The following FGD4 variants were observed in gnomAD, a reference collection of about 807,000 sequenced individuals.
The protein encoded by FGD4 is FYVE, RhoGEF and PH domain containing 4, also known as FYVE, RhoGEF and PH domain-containing protein 4.
In FGD4, 42 loss-of-function variants were observed where a neutral mutation model predicts 102.0. That is an observed-to-expected ratio of 0.41 (90% CI 0.32 to 0.53). FGD4 has a LOEUF of 0.53. Ranked by LOEUF, FGD4 falls within the 20% of genes least tolerant of loss-of-function variation. The pLI is 0.21. For missense variants in FGD4, 902 were observed against 1,078.2 expected, an observed-to-expected ratio of 0.84 and a Z score of 2.29; for synonymous variants, 380 against 375.7, an observed-to-expected ratio of 1.01 and a Z score of -0.13.
intron 1 of FGD4, among the ~76,000 whole-genome samples, chr12:32,429,195 C>T (rs948840918): frequency 6.6e-6 from 1 of 152,292 alleles, no homozygotes; most frequent in South Asian, 2.1e-4. Context: ...TGGTGACCTT[C>T]GGATGGGGTT....
chr12:32,634,045 G>A (rs948279048), intron 15 of FGD4, among the ~76,000 whole-genome samples: 2 of 152,128 alleles, frequency 1.3e-5, no homozygotes, highest in African/African-American at 4.8e-5. Flanking sequence ...ATATATCTTT[G>A]TTATTTCTTT....
chr12:32,399,570 A>G lies in FGD4; in HGVS notation c.-224A>G, dbSNP rs2733698. The G allele has an allele frequency of 0.56, 635,021 of 1,125,628 alleles. 181,638 individuals carry two copies. Among genetic ancestry groups the G allele is most frequent in the African/African-American group, 0.73 (43,154 of 59,054 alleles). The allele number at this position is 1,125,628 out of a possible 1,614,324, so 69.7% of individuals were successfully genotyped here. On this transcript the variant is annotated 5_prime_UTR_variant, in exon 1 of 17. Coordinates refer to ENST00000534526, the MANE Select transcript of FGD4 (RefSeq NM_001370298.3). ...GAGTGCGGGAGCTGCAGATACCGAG[A>G]CGCTGCGACTGCCGCAGGAGTCGCC...
intron 10 of FGD4, among the ~76,000 whole-genome samples, chr12:32,616,711 C>G (rs1949470204): frequency 6.6e-6 from 1 of 152,186 alleles, no homozygotes; most frequent in Non-Finnish European, 1.5e-5. Context: ...TATTTAGAAT[C>G]TGCTATCTGC....
chr12:32,460,661 A>G (rs771793706), intron 1 of FGD4, among the ~76,000 whole-genome samples: 2 of 152,226 alleles, frequency 1.3e-5, no homozygotes, highest in Non-Finnish European at 2.9e-5. Flanking sequence ...TTAGAGAAAG[A>G]TGCTGGAAAA....
At chr12:32,518,702 A>G (rs527739590) in intron 1 of FGD4, among the ~76,000 whole-genome samples, 3 of 152,244 alleles carry the variant, frequency 2.0e-5, no homozygotes, top group African/African-American at 7.2e-5. Context: ...TATTTTAGAT[A>G]GTGGAATTCT....
intron 4 of FGD4, 81 bp downstream of exon 4, chr12:32,582,548 C>A (rs1946702188): frequency 3.9e-6 from 6 of 1,557,198 alleles, no homozygotes; most frequent in Non-Finnish European, 5.2e-6. Context: ...TTATTGCACC[C>A]CTGAAATGTA....
At chr12:32,567,852 A>G (rs917912442) in intron 2 of FGD4, among the ~76,000 whole-genome samples, 2 of 151,876 alleles carry the variant, frequency 1.3e-5, no homozygotes, top group African/African-American at 4.8e-5. Context: ...ACGCCCAGAT[A>G]ATTTTTGTAT....
intron 4 of FGD4, among the ~76,000 whole-genome samples, chr12:32,595,731 A>G (rs1056589293): frequency 2.6e-5 from 4 of 152,214 alleles, no homozygotes; most frequent in Admixed American, 2.0e-4. Context: ...GCAACCAACA[A>G]TGCCAGTACT....
At chr12:32,615,455 T>C (rs1320846098) in intron 10 of FGD4, among the ~76,000 whole-genome samples, 1 of 152,214 alleles carries the variant, frequency 6.6e-6, no homozygotes, top group Non-Finnish European at 1.5e-5. Context: ...TGTGAATATC[T>C]TCATAATTTA....
At chr12:32,581,536 T>C (rs1293639079) in intron 3 of FGD4, among the ~76,000 whole-genome samples, 1 of 152,240 alleles carries the variant, frequency 6.6e-6, no homozygotes. Context: ...CACTGTACTA[T>C]TTAAAAATGT....
At chr12:32,498,122 G>T (rs770066798) in intron 1 of FGD4, among the ~76,000 whole-genome samples, 1 of 152,150 alleles carries the variant, frequency 6.6e-6, no homozygotes. Flanking sequence ...GGGAGTTGTC[G>T]TTGGACTTTG....
At chr12:32,554,641 C>T (rs1943951378) in intron 1 of FGD4, among the ~76,000 whole-genome samples, 1 of 151,966 alleles carries the variant, frequency 6.6e-6, no homozygotes, top group Non-Finnish European at 1.5e-5. Context: ...ATAGGTGCTA[C>T]AGAAAAAAAT....
intron 1 of FGD4, among the ~76,000 whole-genome samples, chr12:32,558,217 TA>T (rs1944270904): frequency 6.6e-6 from 1 of 152,234 alleles, no homozygotes. Flanking sequence ...TCACAGGTTG[TA>T]GTACACTAAG....
At chr12:32,549,936 C>G (rs926638931) in intron 1 of FGD4, among the ~76,000 whole-genome samples, 2 of 152,208 alleles carry the variant, frequency 1.3e-5, no homozygotes, top group Non-Finnish European at 2.9e-5. Flanking sequence ...CAGCACGTCT[C>G]CAGCGTTCCT....
chr12:32,413,973 CT>C (rs34824025), intron 1 of FGD4, among the ~76,000 whole-genome samples: 1,945 of 129,202 alleles, frequency 0.015, 33 homozygotes, highest in African/African-American at 0.048. Flanking sequence ...CTTGAGGATA[CT>C]TTTTTTTTTT....
At chr12:32,639,430 C>T (rs1028693789) in intron 16 of FGD4, among the ~76,000 whole-genome samples, 3 of 152,198 alleles carry the variant, frequency 2.0e-5, no homozygotes, top group Non-Finnish European at 2.9e-5. Flanking sequence ...TCCCAAAGTG[C>T]TGGTAATACA....
intron 1 of FGD4, among the ~76,000 whole-genome samples, chr12:32,422,287 G>GTTTT: frequency 1.1e-5 from 1 of 91,678 alleles, no homozygotes. Flanking sequence ...ATTGGGAGCT[G>GTTTT]CTTTTTTTTT....
intron 1 of FGD4, among the ~76,000 whole-genome samples, chr12:32,404,976 C>G (rs1787957750): frequency 6.6e-6 from 1 of 152,000 alleles, no homozygotes; most frequent in Admixed American, 6.6e-5. Context: ...CTCTGTTGCC[C>G]AGGCTGGAGA....
chr12:32,495,419 G>A lies in FGD4; in HGVS notation c.167-68718G>A, dbSNP rs556294884. Among the ~76,000 whole-genome samples, 3 of 152,260 alleles carry A rather than the reference G, an allele frequency of 2.0e-5. No homozygotes were observed. The South Asian group carries it at 6.2e-4, about 32-fold the overall frequency. ...GCAGGGCAGATTGCTTTTCAGGGCT[G>A]GGCACGGTGGCTCACGCCTGTAATC... is the stretch of plus-strand genomic sequence containing the variant. On this transcript the variant is annotated intron_variant, in intron 1 of 16. Transcript: ENST00000534526.
Sources: gnomAD v4.1 joint callset for allele counts (sites outside exome capture counted in the v4.1 genomes callset) on GRCh38, gnomAD v4.1.1 for gene constraint, MANE v1.5 for transcripts, NCBI Gene and HGNC (gene_info 2026-07-23, HGNC 2026-07-21) for gene names.